FAT3: variants seen among roughly 807,000 people sequenced by gnomAD.
FAT3 encodes the protein protocadherin Fat 3.
FAT3 carries 95 observed loss-of-function variants against 310.2 expected under a neutral mutation model. That is an observed-to-expected ratio of 0.31 (90% CI 0.26 to 0.36). The LOEUF is 0.36. Ranked by LOEUF, FAT3 falls within the 10% of genes least tolerant of loss-of-function variation. The pLI, the probability that FAT3 is intolerant of heterozygous loss-of-function variation, is 1.00. For missense variants in FAT3, 5,408 were observed against 5,715.6 expected, an observed-to-expected ratio of 0.95 and a Z score of 1.74; for synonymous variants, 2,314 against 2,192.9, an observed-to-expected ratio of 1.06 and a Z score of -1.54.
intron 3 of FAT3, among the ~76,000 whole-genome samples, chr11:92,633,019 C>T (rs564873822): frequency 1.3e-5 from 2 of 152,306 alleles, no homozygotes; most frequent in South Asian, 4.1e-4. Context: ...TAATAATTAA[C>T]TACAATCATG....
intron 2 of FAT3, among the ~76,000 whole-genome samples, chr11:92,522,548 C>A (rs1020461789): frequency 8.5e-5 from 13 of 152,102 alleles, no homozygotes; most frequent in African/African-American, 4.8e-5. Flanking sequence ...ACAGGAAAAA[C>A]CACACTCCTA....
chr11:92,393,546 AT>A (rs1949795085), intron 2 of FAT3, among the ~76,000 whole-genome samples: 1 of 152,138 alleles, frequency 6.6e-6, no homozygotes, highest in African/African-American at 2.4e-5. Flanking sequence ...AATGACCGAC[AT>A]CTCGATCTGG....
chr11:92,308,809 T>G (rs1947208378), intron 1 of FAT3, among the ~76,000 whole-genome samples: 1 of 152,140 alleles, frequency 6.6e-6, no homozygotes, highest in Non-Finnish European at 1.5e-5. Flanking sequence ...TGTGTGTGGC[T>G]TCTCTGCCCC....
At position 92,762,043 on chromosome 11, in the gene FAT3, G is replaced by C; in HGVS notation, c.3857G>C (p.Gly1286Ala). ...GCTTTTGCATTTGATAGAGATGAGG[G>C]CCCCAACGCAGAAATCTCCTACAGT... ...YRAFAFDRDE[G>A]PNAEISYSIV... Residue 1286 changes from glycine (G) to alanine (A), a missense_variant, in exon 5 of 28, where the codon GGC (glycine) becomes GCC (alanine). Coordinates refer to ENST00000525166, the MANE Select transcript of FAT3 (RefSeq NM_001367949.2). 6.2e-7 allele frequency: 1 copy of C among 1,613,912 alleles called. No individual in the cohort carries two copies. Among genetic ancestry groups the C allele is most frequent in the South Asian group, 1.1e-5 (1 of 91,070 alleles).
intron 3 of FAT3, among the ~76,000 whole-genome samples, chr11:92,597,919 T>C (rs1645417549): frequency 6.6e-6 from 1 of 152,172 alleles, no homozygotes; most frequent in South Asian, 2.1e-4. Flanking sequence ...GATATCTTTT[T>C]CTTTGAAGCT....
At chr11:92,469,707 G>A (rs1041447142) in intron 2 of FAT3, among the ~76,000 whole-genome samples, 1 of 151,652 alleles carries the variant, frequency 6.6e-6, no homozygotes, top group African/African-American at 2.4e-5. Flanking sequence ...AGTAGAGATG[G>A]GGTTTCATCA....
chr11:92,635,217 A>G (rs998791568), intron 3 of FAT3, among the ~76,000 whole-genome samples: 3 of 152,192 alleles, frequency 2.0e-5, no homozygotes, highest in African/African-American at 7.2e-5. Flanking sequence ...TGAGCATACT[A>G]TGATGCTTAG....
intron 21 of FAT3, among the ~76,000 whole-genome samples, chr11:92,862,843 CT>C (rs896437168): frequency 1.5e-4 from 23 of 152,116 alleles, no homozygotes; most frequent in Non-Finnish European, 3.1e-4. Flanking sequence ...TGAGTGTCTA[CT>C]TTTTTTGCCT....
At chr11:92,635,633 G>A (rs1045142395) in intron 3 of FAT3, among the ~76,000 whole-genome samples, 5 of 152,140 alleles carry the variant, frequency 3.3e-5, no homozygotes, top group Admixed American at 6.5e-5. Context: ...AAATTCCCCA[G>A]AATGCCTGCT....
intron 18 of FAT3, among the ~76,000 whole-genome samples, chr11:92,842,783 G>A (rs184900265): frequency 3.9e-5 from 6 of 152,364 alleles, no homozygotes; most frequent in Admixed American, 2.6e-4. Flanking sequence ...GGAGGCTGAG[G>A]TGGGAGGATC....
chr11:92,509,417 T>C (rs937732235), intron 2 of FAT3, among the ~76,000 whole-genome samples: 1 of 152,182 alleles, frequency 6.6e-6, no homozygotes, highest in African/African-American at 2.4e-5. Flanking sequence ...AAACATGAGT[T>C]ATAATAGTGA....
chr11:92,779,655 A>T (rs776718813), intron 7 of FAT3, among the ~76,000 whole-genome samples: 2 of 152,176 alleles, frequency 1.3e-5, no homozygotes, highest in East Asian at 3.9e-4. Context: ...TTCCCCAAGA[A>T]GATGTTCATG....
intron 2 of FAT3, among the ~76,000 whole-genome samples, chr11:92,508,406 A>G (rs1953185103): frequency 6.6e-6 from 1 of 152,114 alleles, no homozygotes. Flanking sequence ...CAAGTATGAG[A>G]TTTGTATCAG....
rs769525379 is a variant in FAT3, at chr11:92,806,491, G to A, written c.9223G>A (p.Glu3075Lys). The A allele has an allele frequency of 1.9e-6, 3 of 1,549,824 alleles. No homozygotes were observed. The highest frequency in any genetic ancestry group is 2.7e-5 in the African/African-American group (2 of 73,950). ...CTCACTCTATGGATCTGGAAACAGT[G>A]AATTTTTTCTAGATCCAGAAAGTGG... ...RYSLYGSGNS[E>K]FFLDPESGEL... The change falls in exon 12 of 28, where the codon GAA (glutamate) becomes AAA (lysine). Residue 3075 changes from glutamate (E) to lysine (K), a missense_variant. By Grantham distance (56) the Glu-to-Lys change is moderately conservative. Around this residue, in one of 5 missense-constraint regions of FAT3, gnomAD observed 4,588 missense variants for 4,809.8 expected, o/e 0.95. Transcript: ENST00000525166.
chr11:92,414,479 A>C (rs1025814511), intron 2 of FAT3, among the ~76,000 whole-genome samples: 2 of 152,224 alleles, frequency 1.3e-5, no homozygotes, highest in Non-Finnish European at 2.9e-5. Context: ...TTTCCATTGC[A>C]AAATAAAATG....
intron 3 of FAT3, among the ~76,000 whole-genome samples, chr11:92,624,866 G>T (rs377033475): frequency 6.6e-6 from 1 of 152,186 alleles, no homozygotes; most frequent in African/African-American, 2.4e-5. Flanking sequence ...TCTGAGAGAC[G>T]ATCTGTTCAA....
chr11:92,323,442 A>G (rs1212596260), intron 1 of FAT3, among the ~76,000 whole-genome samples: 5 of 151,998 alleles, frequency 3.3e-5, no homozygotes, highest in African/African-American at 1.2e-4. Flanking sequence ...TTGTAGAAAC[A>G]GGATCTTTCT....
chr11:92,781,612 A>C (rs763094154), intron 7 of FAT3, among the ~76,000 whole-genome samples: 8 of 152,226 alleles, frequency 5.3e-5, no homozygotes, highest in Non-Finnish European at 8.8e-5. Flanking sequence ...TGGTATAATG[A>C]AAGGAGCACC....
intron 21 of FAT3, among the ~76,000 whole-genome samples, chr11:92,860,063 A>T (rs1591823746): frequency 6.6e-6 from 1 of 152,162 alleles, no homozygotes; most frequent in Admixed American, 6.5e-5. Flanking sequence ...TTAGCTAGGC[A>T]TGGTAGTCGG....
Sources: allele counts gnomAD v4.1 joint callset (sites outside exome capture counted in the v4.1 genomes callset), GRCh38; gene constraint gnomAD v4.1.1; regional missense constraint gnomAD v4.1.1; transcripts MANE v1.5; gene names NCBI Gene and HGNC (gene_info 2026-07-23, HGNC 2026-07-21).